Variants in TAFA4 observed in about 807,000 individuals in gnomAD.
TAFA4 encodes TAFA chemokine like family member 4.
A neutral mutation model predicts 21.1 loss-of-function variants in TAFA4; 20 were observed. The ratio of observed to expected loss-of-function variants is 0.95; its 90% CI spans 0.67 to 1.38. The LOEUF is 1.38. TAFA4 is among the 40% of genes most tolerant of loss of function. TAFA4 has a pLI of 0.00. For synonymous variants in TAFA4, 71 were observed against 67.4 expected, an observed-to-expected ratio of 1.05 and a Z score of -0.26; for missense variants, 211 against 180.9, an observed-to-expected ratio of 1.17 and a Z score of -0.95.
At chr3:68,930,456 TA>T (rs2090149412) in intron 1 of TAFA4, among the ~76,000 whole-genome samples, 1 of 152,222 alleles carries the variant, frequency 6.6e-6, no homozygotes, top group Non-Finnish European at 1.5e-5. Flanking sequence ...TGAAGCCTTA[TA>T]ATAAATTTTA....
chr3:68,870,466 T>C (rs1363903389), intron 3 of TAFA4, among the ~76,000 whole-genome samples: 1 of 151,984 alleles, frequency 6.6e-6, no homozygotes, highest in Non-Finnish European at 1.5e-5. Flanking sequence ...TACAAAGCCA[T>C]AGTAATTAAA....
chr3:68,792,049 T>C (rs1226306546), intron 3 of TAFA4, among the ~76,000 whole-genome samples: 1 of 152,236 alleles, frequency 6.6e-6, no homozygotes, highest in African/African-American at 2.4e-5. Context: ...GGCCTACTAA[T>C]GGATTTCATT....
At chr3:68,781,501 C>T (rs901271805) in intron 3 of TAFA4, among the ~76,000 whole-genome samples, 5 of 151,942 alleles carry the variant, frequency 3.3e-5, no homozygotes, top group Non-Finnish European at 7.4e-5. Flanking sequence ...TGAGCAACTT[C>T]GTGCCAATAA....
intron 4 of TAFA4, among the ~76,000 whole-genome samples, chr3:68,744,872 ACAGATTTGCCT>A (rs1268943285): frequency 6.6e-6 from 1 of 152,220 alleles, no homozygotes; most frequent in Non-Finnish European, 1.5e-5. Flanking sequence ...TCTTCTAAAA[ACAGATTTGCCT>A]CAGATTCCTT....
At chr3:68,909,586 T>G (rs1272985953) in intron 1 of TAFA4, among the ~76,000 whole-genome samples, 3 of 152,152 alleles carry the variant, frequency 2.0e-5, no homozygotes, top group Non-Finnish European at 4.4e-5. Context: ...GGCTGACAAC[T>G]TGCTAGGGAT....
At position 68,731,772 on chromosome 3, in the gene TAFA4, C is replaced by G. The variant is rs1404131384; in HGVS notation, c.*1370G>C. On this transcript the variant is annotated 3_prime_UTR_variant, in exon 6 of 6. Coordinates refer to ENST00000295569, the MANE Select transcript of TAFA4 (RefSeq NM_182522.5). ...ATAATCACAAAAACATGTATGCCAT[C>G]AGCAGGATGAATTTTTTTACTTATT... 4.6e-5 allele frequency: 7 copies of G among 152,034 alleles called. No homozygotes were observed. Among genetic ancestry groups the G allele is most frequent in the African/African-American group, 1.7e-4 (7 of 41,386 alleles). The allele number at this position is 152,034 out of a possible 1,614,324, so 9.4% of individuals were successfully genotyped here. A position where few individuals can be genotyped will look rare whatever the true frequency, so the allele number is the denominator to read the frequency against.
intron 3 of TAFA4, among the ~76,000 whole-genome samples, chr3:68,792,880 A>G (rs964293203): frequency 6.6e-6 from 1 of 152,160 alleles, no homozygotes; most frequent in African/African-American, 2.4e-5. Flanking sequence ...GCAAAATCTC[A>G]AGCACTAAAA....
At chr3:68,847,904 T>C (rs1034362657) in intron 3 of TAFA4, among the ~76,000 whole-genome samples, 9 of 152,232 alleles carry the variant, frequency 5.9e-5, no homozygotes, top group African/African-American at 1.4e-4. Context: ...AATAAATCCA[T>C]GCAGAATTCA....
Position 68,732,992 on chromosome 3 carries a change from A to T in TAFA4, c.*150T>A. ...GAAGCAGAGAGGGCTGGGCCAGTTA[A>T]GTGAATGCCACCTCTCACAGCTCAC... On this transcript the variant is annotated 3_prime_UTR_variant, in exon 6 of 6. Transcript: ENST00000295569. The T allele has an allele frequency of 2.1e-6, 2 of 955,054 alleles. No individual in the cohort carries two copies. The highest frequency in any genetic ancestry group is 3.1e-6 in the Non-Finnish European group (2 of 640,542). 59.2% of individuals were successfully genotyped at this position (955,054 alleles called of 1,614,324 possible).
intron 3 of TAFA4, among the ~76,000 whole-genome samples, chr3:68,796,379 C>G (rs1286607388): frequency 6.6e-6 from 1 of 152,070 alleles, no homozygotes; most frequent in Non-Finnish European, 1.5e-5. Flanking sequence ...AAAAGAAATC[C>G]TTTGGCCTTA....
chr3:68,925,764 G>A (rs535336506), intron 1 of TAFA4, among the ~76,000 whole-genome samples: 2 of 152,158 alleles, frequency 1.3e-5, no homozygotes, highest in Non-Finnish European at 2.9e-5. Context: ...AATCACTCCA[G>A]AGCACATCTG....
chr3:68,758,387 G>C (rs1490186845), intron 3 of TAFA4, among the ~76,000 whole-genome samples: 1 of 152,192 alleles, frequency 6.6e-6, no homozygotes, highest in African/African-American at 2.4e-5. Context: ...TTGACTCATG[G>C]GCACATGTCT....
chr3:68,788,611 T>A (rs141578059), intron 3 of TAFA4, among the ~76,000 whole-genome samples: 4 of 152,028 alleles, frequency 2.6e-5, no homozygotes, highest in African/African-American at 9.7e-5. Flanking sequence ...GGCGTTGTGT[T>A]TACATATTTT....
chr3:68,873,264 A>C (rs1031958787), intron 3 of TAFA4, among the ~76,000 whole-genome samples: 1 of 145,484 alleles, frequency 6.9e-6, no homozygotes, highest in African/African-American at 2.8e-5. Context: ...AAACAACGTC[A>C]TACTTGTTTT....
chr3:68,765,417 A>AT (rs564068422), intron 3 of TAFA4, among the ~76,000 whole-genome samples: 35 of 151,366 alleles, frequency 2.3e-4, no homozygotes, highest in African/African-American at 4.8e-4. Flanking sequence ...AATAAGCTGC[A>AT]TTTTTTTTTA....
At chr3:68,739,831 A>G (rs897390704) in intron 4 of TAFA4, among the ~76,000 whole-genome samples, 4 of 152,222 alleles carry the variant, frequency 2.6e-5, no homozygotes, top group Non-Finnish European at 5.9e-5. Context: ...ATGTGTACAC[A>G]GAGACATAGA....
intron 3 of TAFA4, among the ~76,000 whole-genome samples, chr3:68,789,815 TG>T (rs1703330095): frequency 6.6e-6 from 1 of 152,134 alleles, no homozygotes. Flanking sequence ...ACAAAAGAAA[TG>T]CACACATTTA....
chr3:68,772,074 C>T (rs900736278), intron 3 of TAFA4, among the ~76,000 whole-genome samples: 1 of 151,890 alleles, frequency 6.6e-6, no homozygotes, highest in Non-Finnish European at 1.5e-5. Context: ...AAGGCCTACA[C>T]CTCATTTTAA....
At chr3:68,764,931 C>T (rs1291667261) in intron 3 of TAFA4, among the ~76,000 whole-genome samples, 1 of 152,128 alleles carries the variant, frequency 6.6e-6, no homozygotes, top group Non-Finnish European at 1.5e-5. Context: ...CCTCCCTCTA[C>T]CCTAATCATC....
Sources: allele counts gnomAD v4.1 joint callset (sites outside exome capture counted in the v4.1 genomes callset), GRCh38; gene constraint gnomAD v4.1.1; transcripts MANE v1.5; gene names NCBI Gene and HGNC (gene_info 2026-07-23, HGNC 2026-07-21).